The following LRRC63 variants were observed in gnomAD, a reference collection of about 807,000 sequenced individuals.
LRRC63 encodes leucine-rich repeat-containing protein 63.
LRRC63 carries 40 observed loss-of-function variants against 49.5 expected under a neutral mutation model. The ratio of observed to expected loss-of-function variants is 0.81; its 90% CI spans 0.63 to 1.05. LRRC63 has a LOEUF of 1.05. Ranked by LOEUF, LRRC63 falls within the 50% of genes least tolerant of loss-of-function variation. LRRC63 has a pLI of 0.00. For missense variants in LRRC63, 636 were observed against 663.1 expected (o/e 0.96, Z 0.45); for synonymous variants, 191 against 221.1 (o/e 0.86, Z 1.21).
chr13:46,241,150 G>A (rs535647492), intron 5 of LRRC63, among the ~76,000 whole-genome samples: 3 of 152,102 alleles, frequency 2.0e-5, no homozygotes, highest in African/African-American at 7.2e-5. Context: ...ACTGAATAGA[G>A]AACCCAGAAA....
At position 46,264,437 on chromosome 13, in the gene LRRC63, T is replaced by TTAGTTAG. The variant is rs1566511659; in HGVS notation, c.1311-2295_1311-2294insAGTTAGT. Among the ~76,000 whole-genome samples the TTAGTTAG allele has an allele frequency of 3.4e-3, 513 of 151,514 alleles. 5 individuals are homozygous for TTAGTTAG. The highest frequency in any genetic ancestry group is 0.012 in the African/African-American group (477 of 41,284). On this transcript the variant is annotated intron_variant, in intron 8 of 9. Coordinates refer to ENST00000595396, the Ensembl canonical transcript of LRRC63. ...CTCATGGTTTTTATTTATTTATTTATTTAGTTAGTTAGTTAGTTTTGAATT... is the reference window on the plus strand; with the variant it reads ...CTCATGGTTTTTATTTATTTATTTATTAGTTAGTTAGTTAGTTAGTTAGTTTTGAATT...
intron 9 of LRRC63, among the ~76,000 whole-genome samples, chr13:46,273,398 C>T (rs1352047322): frequency 1.3e-5 from 2 of 151,858 alleles, no homozygotes; most frequent in African/African-American, 2.4e-5. Context: ...GTCAGGAGAT[C>T]GAGACAATCC....
intron 2 of LRRC63, among the ~76,000 whole-genome samples, chr13:46,214,514 C>T (rs1433093456): frequency 1.3e-5 from 2 of 152,126 alleles, no homozygotes; most frequent in Non-Finnish European, 2.9e-5. Context: ...ATTTCACAAC[C>T]TTGGCACTAT....
At chr13:46,265,066 A>C (rs1028733980) in intron 8 of LRRC63, among the ~76,000 whole-genome samples, 4 of 152,144 alleles carry the variant, frequency 2.6e-5, no homozygotes, top group South Asian at 2.1e-4. Flanking sequence ...AGACTGAGTC[A>C]GGAGAATCAC....
exon 3 of LRRC63, chr13:46,227,799 A>G: frequency 1.3e-6 from 2 of 1,550,314 alleles, no homozygotes; most frequent in Non-Finnish European, 1.7e-6. Flanking sequence ...TGGGAAACAA[A>G]CAAACAAAAT....
chr13:46,228,208 C>T lies in LRRC63; in HGVS notation c.763+19C>T, dbSNP rs571420366. 48 of 1,500,846 alleles carry T rather than the reference C, an allele frequency of 3.2e-5. No homozygotes were observed. The highest frequency in any genetic ancestry group is 1.7e-4 in the Middle Eastern group (1 of 5,804). 93.0% of individuals were successfully genotyped at this position (1,500,846 alleles called of 1,614,324 possible). Reference sequence around the variant, plus strand: ...GTGATAGGTAAATACAATCTGAACACGGTATAATTATAGAGTCAAGTAGAG... The same window carrying T: ...GTGATAGGTAAATACAATCTGAACATGGTATAATTATAGAGTCAAGTAGAG... On this transcript the variant is annotated intron_variant, in intron 3 of 9. Coordinates refer to ENST00000595396, the Ensembl canonical transcript of LRRC63.
exon 10 of LRRC63, chr13:46,276,755 T>G: frequency 1.6e-6 from 2 of 1,224,342 alleles, no homozygotes; most frequent in Non-Finnish European, 2.0e-6. Flanking sequence ...TAGATGGTAG[T>G]CCTAGTAGAA....
chr13:46,241,983 A>G (rs962350557), intron 5 of LRRC63, among the ~76,000 whole-genome samples: 6 of 152,192 alleles, frequency 3.9e-5, no homozygotes, highest in Admixed American at 1.3e-4. Flanking sequence ...TACCCAAACC[A>G]ATATAAATTA....
intron 7 of LRRC63, among the ~76,000 whole-genome samples, chr13:46,254,515 A>G (rs921372486): frequency 5.9e-5 from 9 of 152,148 alleles, no homozygotes; most frequent in Non-Finnish European, 1.2e-4. Context: ...GAACATGTAA[A>G]ATATATAGTT....
chr13:46,234,702 T>A (rs528651981), intron 5 of LRRC63, among the ~76,000 whole-genome samples: 2 of 152,194 alleles, frequency 1.3e-5, no homozygotes, highest in Non-Finnish European at 2.9e-5. Context: ...TGAATAGCAA[T>A]AATATTAGTT....
chr13:46,257,289 C>T (rs1343876542), intron 7 of LRRC63, among the ~76,000 whole-genome samples: 1 of 152,220 alleles, frequency 6.6e-6, no homozygotes, highest in Non-Finnish European at 1.5e-5. Context: ...AAAACAGATT[C>T]TCCCTAGAGC....
exon 8 of LRRC63, chr13:46,261,912 A>G: frequency 9.9e-7 from 1 of 1,013,870 alleles, no homozygotes; most frequent in Non-Finnish European, 1.3e-6. Flanking sequence ...ATTTAAGGTT[A>G]TTTTCCTTGT....
At chr13:46,250,136 A>G (rs900291847) in intron 6 of LRRC63, 35 of 316,936 alleles carry the variant, frequency 1.1e-4, no homozygotes, top group Non-Finnish European at 1.8e-5. Context: ...TCAAGGGTGT[A>G]TGAGTACAGT....
In LRRC63 at chr13:46,227,590, GT is replaced by G; in HGVS notation, c.168del (p.Pro57LeufsTer4). The G allele has an allele frequency of 6.5e-7, 1 of 1,549,578 alleles. No homozygotes were observed. The highest frequency in any genetic ancestry group is 8.7e-7 in the Non-Finnish European group (1 of 1,146,436). On this transcript the variant is annotated frameshift_variant, in exon 3 of 10. Transcript: ENST00000595396. LOFTEE classifies it high-confidence loss of function. ...ACTTCCATTAAAATGGATAGAACTC[GT>G]TTTCCTGATGTTTTAAGAAATCAAT...
intron 2 of LRRC63, among the ~76,000 whole-genome samples, chr13:46,223,240 A>G (rs2046461071): frequency 6.6e-6 from 1 of 152,070 alleles, no homozygotes; most frequent in African/African-American, 2.4e-5. Context: ...AAGAAAAAAA[A>G]TATAAAAAGG....
At chr13:46,217,594 GT>G (rs2046288885) in intron 2 of LRRC63, among the ~76,000 whole-genome samples, 1 of 152,094 alleles carries the variant, frequency 6.6e-6, no homozygotes, top group South Asian at 2.1e-4. Context: ...GGTTTTTCAT[GT>G]CTTTAACTCC....
At chr13:46,264,949 G>A (rs1594096158) in intron 8 of LRRC63, among the ~76,000 whole-genome samples, 1 of 152,088 alleles carries the variant, frequency 6.6e-6, no homozygotes, top group East Asian at 1.9e-4. Context: ...CTGAGGTCAG[G>A]CATTCAAGAC....
rs147383288 is a variant in LRRC63, at chr13:46,216,325, T to C, written c.85+3206T>C. Among the ~76,000 whole-genome samples the C allele has an allele frequency of 6.4e-3, 976 of 152,328 alleles. 11 individuals are homozygous for C. The highest frequency in any genetic ancestry group is 0.022 in the African/African-American group (933 of 41,564). Reference sequence around the variant, plus strand: ...TGGTTTGTAGTTCTCCTTGAAGAGGTCCTTCACCTCCCTTGTAAGTTGTAT... The same window carrying C: ...TGGTTTGTAGTTCTCCTTGAAGAGGCCCTTCACCTCCCTTGTAAGTTGTAT... On this transcript the variant is annotated intron_variant, in intron 2 of 9. Coordinates refer to ENST00000595396, the Ensembl canonical transcript of LRRC63.
chr13:46,239,362 T>A (rs1247555799), intron 5 of LRRC63, among the ~76,000 whole-genome samples: 6 of 152,108 alleles, frequency 3.9e-5, no homozygotes, highest in African/African-American at 1.4e-4. Context: ...CAGACACCTC[T>A]ATGCACACAA....
Sources: allele counts gnomAD v4.1 joint callset (sites outside exome capture counted in the v4.1 genomes callset), GRCh38; gene constraint gnomAD v4.1.1; transcripts MANE v1.5; gene names NCBI Gene and HGNC (gene_info 2026-07-23, HGNC 2026-07-21).